Variants in LCN6 observed in about 807,000 individuals in gnomAD.
LCN6 encodes the protein epididymal-specific lipocalin-6.
Under a neutral mutation model 21.4 loss-of-function variants are expected in LCN6, and 20 were observed. The ratio of observed to expected loss-of-function variants is 0.93; its 90% CI spans 0.66 to 1.36. The LOEUF (loss-of-function observed/expected upper bound fraction) is 1.36. LCN6 is among the 40% of genes most tolerant of loss of function. The pLI is 0.00. For synonymous variants in LCN6, 96 were observed against 89.0 expected, an observed-to-expected ratio of 1.08 and a Z score of -0.44; for missense variants, 217 against 206.6, an observed-to-expected ratio of 1.05 and a Z score of -0.31.
At position 136,747,354 on chromosome 9, in the gene LCN6, T is replaced by C. The variant is rs1847052718; in HGVS notation, c.230+70A>G. ...AGGCCGCGGTGCCCGGGAGCAGATG[T>C]GCAAAGTACATGATGTGGCTGAGCC... On this transcript the variant is annotated intron_variant, in intron 2 of 6. Transcript: ENST00000341206. 5.7e-6 allele frequency: 9 copies of C among 1,566,208 alleles called. No individual in the cohort carries two copies. The South Asian group carries it at 9.1e-5, about 16-fold the overall frequency.
Position 136,744,713 on chromosome 9 carries a change from G to A in LCN6, c.441C>T (p.Ala147=), listed in dbSNP as rs1207018380. The A allele has an allele frequency of 6.2e-7, 1 of 1,610,694 alleles. No homozygotes were observed. Among genetic ancestry groups the A allele is most frequent in the Non-Finnish European group, 8.5e-7 (1 of 1,178,460 alleles). Residue 147 remains alanine (A), a synonymous_variant, in exon 5 of 7, where the codon GCC becomes GCT. Coordinates refer to ENST00000341206, the MANE Select transcript of LCN6 (RefSeq NM_198946.3). The surrounding 1 kb of genome is among the most constrained non-coding windows in gnomAD (Gnocchi z 4.2). ...YSLTETASQE[A]MGLFTKWSRS... ...TGCTCCACTTGGTGAAGAGCCCCAT[G>A]GCCTCCTGGCTGGCTGTCTCCGTCA... is the stretch of plus-strand genomic sequence containing the variant.
At chr9:136,745,339 G>T in intron 3 of LCN6, 59 bp from the exon 4 acceptor site, 1 of 1,203,884 alleles carries the variant, frequency 8.3e-7, no homozygotes, top group Non-Finnish European at 1.2e-6. Context: ...TCCAGGGGCC[G>T]CTGAGCTGAT....
At position 136,747,413 on chromosome 9, in the gene LCN6, C is replaced by T. The variant is rs368504203; in HGVS notation, c.230+11G>A. ...GCCTGCGGGAAGGCCTGGCAGGACC[C>T]GCCCACTCACCCGTGCTGAGAGGAC... On this transcript the variant is annotated intron_variant, in intron 2 of 6. Transcript: ENST00000341206. 1.7e-4 allele frequency: 282 copies of T among 1,611,508 alleles called. 1 individual carries two copies. In the African/African-American group the frequency reaches 3.2e-3, roughly 18 times the overall value.
intron 2 of LCN6, among the ~76,000 whole-genome samples, chr9:136,746,318 G>A (rs1189271090): frequency 7.5e-6 from 1 of 133,862 alleles, no homozygotes; most frequent in African/African-American, 2.9e-5. Flanking sequence ...GGGGCGGGGT[G>A]GGGGTTCGCC....
In LCN6 at chr9:136,747,449, G is replaced by C. The variant is rs145650905; in HGVS notation, c.205C>G (p.Leu69Val). 1.9e-6 allele frequency: 3 copies of C among 1,613,460 alleles called. No individual in the cohort carries two copies. In the East Asian group the frequency reaches 6.7e-5, roughly 36 times the overall value. The part of the protein sequence containing the change: ...VVVTLTPENN[L>V]RTLSSQHGLG... ...CCGTGCTGAGAGGACAGCGTCCGCA[G>C]GTTGTTTTCTGGAGTGAGGGTCACC... The change falls in exon 2 of 7, where the codon CTG (leucine) becomes GTG (valine). Residue 69 changes from leucine (L) to valine (V), a missense_variant. Transcript: ENST00000341206.
intron 1 of LCN6, among the ~76,000 whole-genome samples, chr9:136,747,894 C>G (rs1210605618): frequency 7.0e-6 from 1 of 143,876 alleles, no homozygotes; most frequent in South Asian, 2.2e-4. Flanking sequence ...GACCTCCAAC[C>G]CTCCAGCCTC....
chr9:136,744,371 G>C lies in LCN6; in HGVS notation c.*23-7C>G, dbSNP rs1378032879. 2 of 397,462 alleles carry C rather than the reference G, an allele frequency of 5.0e-6. No homozygotes were observed. Among genetic ancestry groups the C allele is most frequent in the Non-Finnish European group, 4.6e-6 (1 of 215,952 alleles). 24.6% of individuals were successfully genotyped at this position (397,462 alleles called of 1,614,324 possible). ...ATCTTGTGAGCACAGGTGACTAGAA[G>C]GGGAGGCAAGACTGGCTGTGAAAAA... On this transcript the variant is annotated splice_polypyrimidine_tract_variant and splice_region_variant and intron_variant, in intron 5 of 6. Transcript: ENST00000341206. This position sits in a 1 kb window ranked among gnomAD's most constrained non-coding sequence, Gnocchi z 4.2.
At chr9:136,746,420 G>A (rs904057042) in intron 2 of LCN6, among the ~76,000 whole-genome samples, 1 of 151,994 alleles carries the variant, frequency 6.6e-6, no homozygotes, top group African/African-American at 2.4e-5. Context: ...GCGACTCGGG[G>A]GAAGGGGCCG....
At chr9:136,746,197 G>A (rs191780850) in intron 2 of LCN6, among the ~76,000 whole-genome samples, 2 of 150,968 alleles carry the variant, frequency 1.3e-5, no homozygotes, top group African/African-American at 4.9e-5. Context: ...CTCGACAGAC[G>A]GGAGGTTCGC....
chr9:136,747,973 C>A (rs1432902433), intron 1 of LCN6, among the ~76,000 whole-genome samples: 1 of 137,564 alleles, frequency 7.3e-6, no homozygotes, highest in African/African-American at 2.9e-5. Flanking sequence ...TGCAGCCCTG[C>A]AGCCTCTAGT....
chr9:136,748,274 A>C, intron 1 of LCN6, 120 bp downstream of exon 1: 1 of 863,266 alleles, frequency 1.2e-6, no homozygotes. Context: ...GGCTGGCCCA[A>C]CTAATTCCCC....
rs534291712 is a variant in LCN6, at chr9:136,747,776, C to A, written c.91-213G>T. Among the ~76,000 whole-genome samples the A allele has an allele frequency of 4.7e-5, 7 of 150,136 alleles. No individual in the cohort carries two copies. In the East Asian group the frequency reaches 1.4e-3, roughly 30 times the overall value. ...CTCCACCCTCCAACCATCCAGCCCT[C>A]CAGCCTCCAGTCTCCAACCCTCCCG... On this transcript the variant is annotated intron_variant, in intron 1 of 6. Coordinates refer to ENST00000341206, the MANE Select transcript of LCN6 (RefSeq NM_198946.3).
chr9:136,748,376 C>T lies in LCN6; in HGVS notation c.90+18G>A, dbSNP rs1458663696. 2.5e-6 allele frequency: 4 copies of T among 1,603,114 alleles called. No individual in the cohort carries two copies. Among genetic ancestry groups the T allele is most frequent in the Admixed American group, 1.7e-5 (1 of 58,944 alleles). On this transcript the variant is annotated intron_variant, in intron 1 of 6. Coordinates refer to ENST00000341206, the MANE Select transcript of LCN6 (RefSeq NM_198946.3). The stretch of plus-strand genomic sequence containing the variant: ...GGCCCCCGAGGACCAGCTCTCCCCA[C>T]CCCCAGGAGGACTGTACCTGCTCAG...
chr9:136,748,063 CCAGCCTCCAGCCCAG>C (rs1472181923), intron 1 of LCN6, among the ~76,000 whole-genome samples: 1 of 148,400 alleles, frequency 6.7e-6, no homozygotes, highest in African/African-American at 2.6e-5. Flanking sequence ...CTACAGCCCT[CCAGCCTCCAGCCCAG>C]CAGCCTCCAG....
intron 2 of LCN6, among the ~76,000 whole-genome samples, chr9:136,746,472 G>A (rs550704868): frequency 8.5e-5 from 13 of 152,296 alleles, no homozygotes; most frequent in Admixed American, 1.3e-4. Context: ...GCAAAACCCA[G>A]CAAAGGTGCA....
At chr9:136,745,560 G>GC (rs1847026475) in intron 3 of LCN6, 1 of 588,714 alleles carries the variant, frequency 1.7e-6, no homozygotes, top group South Asian at 2.0e-5. Flanking sequence ...GGTCACACCA[G>GC]CCCAGCCCTG....
rs1429225038 is a variant in LCN6 at position 136,747,488 on chromosome 9, C to T, written c.166G>A (p.Val56Ile). The T allele has an allele frequency of 5.0e-6, 8 of 1,613,578 alleles. No homozygotes were observed. The Admixed American group carries it at 5.0e-5, about 10-fold the overall frequency. The change falls in exon 2 of 7, where the codon GTC (valine) becomes ATC (isoleucine). Residue 56 changes from valine to isoleucine, a missense_variant. Physicochemically the swap from Val to Ile is conservative, Grantham distance 29 (BLOSUM62 3). Transcript: ENST00000341206. ...GTGAGGGTCACCACCACCCCCACGA[C>T]GTTCTTCATGTCCTTCTCCATGGCA... ...GFAMEKDMKN[V>I]VGVVVTLTPE...
At position 136,747,664 on chromosome 9, in the gene LCN6, T is replaced by TC. The variant is rs1229373209; in HGVS notation, c.91-102dup. 2.7e-3 allele frequency: 2,325 copies of TC among 856,066 alleles called. 25 individuals are homozygous for TC. The highest frequency in any genetic ancestry group is 0.024 in the African/African-American group (746 of 31,462). The allele number at this position is 856,066 out of a possible 1,614,324, so 53.0% of individuals were successfully genotyped here. A position where few individuals can be genotyped will look rare whatever the true frequency, so the allele number is the denominator to read the frequency against. On this transcript the variant is annotated intron_variant, in intron 1 of 6. Coordinates refer to ENST00000341206, the MANE Select transcript of LCN6 (RefSeq NM_198946.3). ...GCCTCCAGCCTCCAAACCTCCAGCC[T>TC]CAGCCTCCACCCTCCAACCATCCAG...
At chr9:136,745,738 C>A (rs887331704) in intron 3 of LCN6, 106 bp downstream of exon 3, 6 of 968,302 alleles carry the variant, frequency 6.2e-6, no homozygotes, top group Non-Finnish European at 1.0e-5. Flanking sequence ...AACCTGTAGC[C>A]TCCTGGCTCT....
Sources: gnomAD v4.1 joint callset for allele counts (sites outside exome capture counted in the v4.1 genomes callset) on GRCh38, gnomAD v4.1.1 for gene constraint, Gnocchi (gnomAD v3.1) non-coding constraint, MANE v1.5 for transcripts, NCBI Gene and HGNC (gene_info 2026-07-23, HGNC 2026-07-21) for gene names.